TMEM87A: variants seen among roughly 807,000 people sequenced by gnomAD.
TMEM87A encodes the protein transmembrane protein 87A.
Under a neutral mutation model 90.0 loss-of-function variants are expected in TMEM87A, and 50 were observed. The observed-to-expected ratio is 0.56, with a 90% CI of 0.44 to 0.70. The LOEUF is 0.70. TMEM87A is among the 30% of genes least tolerant of loss of function. TMEM87A has a pLI of 0.00. For missense variants in TMEM87A, 577 were observed against 660.5 expected, an observed-to-expected ratio of 0.87 and a Z score of 1.39; for synonymous variants, 226 against 226.7, an observed-to-expected ratio of 1.00 and a Z score of 0.03.
At chr15:42,225,592 G>C (rs2050576375) in intron 15 of TMEM87A, among the ~76,000 whole-genome samples, 2 of 152,120 alleles carry the variant, frequency 1.3e-5, no homozygotes, top group Admixed American at 1.3e-4. Flanking sequence ...GAGTGCAGTG[G>C]CGCCATCTCG....
intron 7 of TMEM87A, among the ~76,000 whole-genome samples, chr15:42,242,490 C>T (rs368692502): frequency 1.0e-3 from 148 of 146,832 alleles, no homozygotes; most frequent in African/African-American, 3.5e-3. Context: ...CCTAAAAAGA[C>T]AGGAGGATAC....
intron 9 of TMEM87A, 49 bp downstream of exon 9, chr15:42,237,383 A>T (rs2050788179): frequency 6.3e-7 from 1 of 1,585,984 alleles, no homozygotes; most frequent in Middle Eastern, 1.7e-4. Flanking sequence ...ATTTTCATAC[A>T]TCTCACCTTC....
intron 19 of TMEM87A, among the ~76,000 whole-genome samples, chr15:42,212,943 C>CA (rs1566918898): frequency 6.6e-6 from 1 of 152,180 alleles, no homozygotes; most frequent in African/African-American, 2.4e-5. Flanking sequence ...AAGCCCTGGA[C>CA]ACTCCTTCCC....
rs919308976 is a variant in TMEM87A at position 42,252,156 on chromosome 15, G to A, written c.505-7989C>T. Among the ~76,000 whole-genome samples, 25 of 152,314 alleles carry A rather than the reference G, an allele frequency of 1.6e-4. 1 individual carries two copies. The highest frequency in any genetic ancestry group is 1.6e-3 in the Admixed American group (24 of 15,300). On this transcript the variant is annotated intron_variant, in intron 6 of 19. Coordinates refer to ENST00000389834, the MANE Select transcript of TMEM87A (RefSeq NM_015497.5). Reference sequence around the variant, plus strand: ...AGTTTTCCCAGTACAGTCTGTCACGGCTTCCCTTGGCTAGGAAAGGGAAAT... The same window carrying A: ...AGTTTTCCCAGTACAGTCTGTCACGACTTCCCTTGGCTAGGAAAGGGAAAT...
chr15:42,244,107 C>A lies in TMEM87A; in HGVS notation c.565G>T (p.Gly189Cys). 6.3e-7 allele frequency: 1 copy of A among 1,575,630 alleles called. No homozygotes were observed. Among genetic ancestry groups the A allele is most frequent in the Non-Finnish European group, 8.6e-7 (1 of 1,167,372 alleles). ...DAPYIFIVHI[G>C]ISSSKESSKE... ...GATGATTCCTTTGAGGATGAAATGC[C>A]AATATGTACAATAAAAATGTATGGT... is the stretch of plus-strand genomic sequence containing the variant. The change falls in exon 7 of 20, where the codon GGC (glycine) becomes TGC (cysteine). Residue 189 changes from glycine (G) to cysteine (C), a missense_variant. By Grantham distance (159) the Gly-to-Cys change is radical (BLOSUM62 -3). Coordinates refer to ENST00000389834, the MANE Select transcript of TMEM87A (RefSeq NM_015497.5).
intron 3 of TMEM87A, among the ~76,000 whole-genome samples, chr15:42,266,428 A>G (rs2140988240): frequency 6.6e-6 from 1 of 151,984 alleles, no homozygotes; most frequent in East Asian, 1.9e-4. Flanking sequence ...AGGCTGGACA[A>G]TCACTTGAAC....
At position 42,264,166 on chromosome 15, in the gene TMEM87A, T is replaced by A; in HGVS notation, c.329A>T (p.Glu110Val). 1 of 1,613,888 alleles carries A rather than the reference T, an allele frequency of 6.2e-7. No individual in the cohort carries two copies. Among genetic ancestry groups the A allele is most frequent in the South Asian group, 1.1e-5 (1 of 91,076 alleles). The change falls in exon 4 of 20, where the codon GAA becomes GTA. Residue 110 changes from glutamate (E) to valine (V), a missense_variant. Transcript: ENST00000389834. ...EVELYLEKLK[E>V]KRGLSGKYQT... Reference sequence around the variant, plus strand: ...ATATTTCCCAGACAAGCCTCTTTTTTCCTTAAGTTTTTCCAAATACAACTC... The same window carrying A: ...ATATTTCCCAGACAAGCCTCTTTTTACCTTAAGTTTTTCCAAATACAACTC...
chr15:42,227,702 A>G lies in TMEM87A; in HGVS notation c.1299+9T>C. 2 of 1,612,394 alleles carry G rather than the reference A, an allele frequency of 1.2e-6. No individual in the cohort carries two copies. The highest frequency in any genetic ancestry group is 1.3e-5 in the African/African-American group (1 of 75,022). ...CAGTACATTATTCATAAATGTGCTT[A>G]TAACTCACCGACTGACATGTCACTA... is the stretch of plus-strand genomic sequence containing the variant. On this transcript the variant is annotated intron_variant, in intron 14 of 19. Coordinates refer to ENST00000389834, the MANE Select transcript of TMEM87A (RefSeq NM_015497.5).
intron 6 of TMEM87A, chr15:42,258,286 T>C (rs2051220887): frequency 1.4e-6 from 1 of 711,502 alleles, no homozygotes; most frequent in African/African-American, 1.9e-5. Context: ...AATATAAACA[T>C]GCCCATATAC....
intron 15 of TMEM87A, among the ~76,000 whole-genome samples, chr15:42,223,191 A>G (rs1011844903): frequency 1.3e-5 from 2 of 152,176 alleles, no homozygotes; most frequent in South Asian, 2.1e-4. Context: ...TCAGGAGTTT[A>G]TAACAAGCCT....
intron 1 of TMEM87A, chr15:42,272,951 C>T: frequency 1.8e-6 from 1 of 555,970 alleles, no homozygotes; most frequent in Non-Finnish European, 3.4e-6. Flanking sequence ...ATAAACAACT[C>T]TCCGTTTGTA....
In TMEM87A at chr15:42,231,347, A is replaced by T. The variant is rs2050683665; in HGVS notation, c.1063-87T>A. Reference sequence around the variant, plus strand: ...CACCACATGATTCTGCATTTACATAATCACTGGAAAGTTTTTGCATTGAAC... The same window carrying T: ...CACCACATGATTCTGCATTTACATATTCACTGGAAAGTTTTTGCATTGAAC... On this transcript the variant is annotated intron_variant, in intron 11 of 19. Transcript: ENST00000389834. The T allele has an allele frequency of 2.7e-6, 3 of 1,107,066 alleles. No homozygotes were observed. In the African/African-American group the frequency reaches 5.0e-5, roughly 18 times the overall value. The allele number at this position is 1,107,066 out of a possible 1,614,324, so 68.6% of individuals were successfully genotyped here.
At chr15:42,259,927 C>T (rs928072536) in intron 6 of TMEM87A, among the ~76,000 whole-genome samples, 1 of 152,264 alleles carries the variant, frequency 6.6e-6, no homozygotes, top group Admixed American at 6.5e-5. Context: ...AAATAGATTA[C>T]TGATTGTCAG....
intron 19 of TMEM87A, among the ~76,000 whole-genome samples, 171 bp downstream of exon 19, chr15:42,217,632 T>C (rs1216205928): frequency 6.6e-6 from 1 of 152,208 alleles, no homozygotes; most frequent in Non-Finnish European, 1.5e-5. Flanking sequence ...AGGAAGATTC[T>C]TGAATGTTTG....
chr15:42,227,794 C>A, intron 13 of TMEM87A, 25 bp from the exon 14 acceptor site: 2 of 1,609,890 alleles, frequency 1.2e-6, no homozygotes, highest in South Asian at 2.2e-5. Flanking sequence ...AAAACCAGGT[C>A]AGAGTATGAA....
chr15:42,227,028 C>T, intron 14 of TMEM87A, 119 bp from the exon 15 acceptor site: 1 of 919,988 alleles, frequency 1.1e-6, no homozygotes, highest in Non-Finnish European at 1.7e-6. Flanking sequence ...TTACTAAGAG[C>T]CTGCTACGTG....
chr15:42,252,196 C>T (rs1451707429), intron 6 of TMEM87A, among the ~76,000 whole-genome samples: 3 of 152,238 alleles, frequency 2.0e-5, no homozygotes, highest in East Asian at 1.9e-4. Context: ...CGACCCCTTG[C>T]GCTTCCTGGG....
intron 6 of TMEM87A, among the ~76,000 whole-genome samples, chr15:42,253,491 T>C (rs1030788741): frequency 1.3e-5 from 2 of 152,050 alleles, no homozygotes; most frequent in African/African-American, 4.8e-5. Flanking sequence ...CTGGGAACAC[T>C]CTAAGTTGGG....
rs1209421561 is a variant in TMEM87A at position 42,237,516 on chromosome 15, T to C, written c.784A>G (p.Ile262Val). 13 of 1,613,848 alleles carry C rather than the reference T, an allele frequency of 8.1e-6. No individual in the cohort carries two copies. Among genetic ancestry groups the C allele is most frequent in the Non-Finnish European group, 1.1e-5 (13 of 1,179,978 alleles). ...WRDLLRIQFW[I>V]GAVIFLGMLE... ...ATTCCCAGGAAGATGACAGCACCAA[T>C]CCAAAACTGAATTCTCAGGAGATCT... Residue 262 changes from isoleucine (I) to valine (V), a missense_variant, in exon 9 of 20, where the codon ATT (isoleucine) becomes GTT (valine). By Grantham distance (29) the Ile-to-Val change is conservative (BLOSUM62 3). Coordinates refer to ENST00000389834, the MANE Select transcript of TMEM87A (RefSeq NM_015497.5).
Sources: allele counts gnomAD v4.1 joint callset (sites outside exome capture counted in the v4.1 genomes callset), GRCh38; gene constraint gnomAD v4.1.1; transcripts MANE v1.5; gene names NCBI Gene and HGNC (gene_info 2026-07-23, HGNC 2026-07-21).